CNTNAP2: variants seen among roughly 807,000 people sequenced by gnomAD.
CNTNAP2 encodes contactin-associated protein-like 2.
In CNTNAP2, 98 loss-of-function variants were observed where a neutral mutation model predicts 155.2. The observed-to-expected ratio is 0.63, with a 90% CI of 0.54 to 0.75. The LOEUF (loss-of-function observed/expected upper bound fraction) is 0.75. Among genes scored for constraint, CNTNAP2 ranks in the 30% least tolerant of loss-of-function variants. CNTNAP2 has a pLI of 0.00. For synonymous variants in CNTNAP2, 651 were observed against 631.2 expected, an observed-to-expected ratio of 1.03 and a Z score of -0.47; for missense variants, 1,727 against 1,688.1, an observed-to-expected ratio of 1.02 and a Z score of -0.40.
chr7:148,315,678 T>G (rs1035613062), intron 21 of CNTNAP2, among the ~76,000 whole-genome samples: 1 of 152,156 alleles, frequency 6.6e-6, no homozygotes, highest in Non-Finnish European at 1.5e-5. Context: ...ATCAGAAACA[T>G]TTATGGATTA....
chr7:147,776,270 T>G (rs1387888794), intron 13 of CNTNAP2, among the ~76,000 whole-genome samples: 3 of 151,594 alleles, frequency 2.0e-5, no homozygotes, highest in African/African-American at 7.3e-5. Flanking sequence ...GCTGGGTTTT[T>G]TTTTTTTTTT....
rs556601339 is a variant in CNTNAP2 at position 146,718,295 on chromosome 7, T to A, written c.98-55976T>A. Among the ~76,000 whole-genome samples the A allele has an allele frequency of 5.3e-5, 8 of 152,302 alleles. No homozygotes were observed. The South Asian group carries it at 1.4e-3, about 28-fold the overall frequency. On this transcript the variant is annotated intron_variant, in intron 1 of 23. Coordinates refer to ENST00000361727, the MANE Select transcript of CNTNAP2 (RefSeq NM_014141.6). Reference sequence around the variant, plus strand: ...CCAATGAAATAATTTGAATTTCTACTTTTCTTCTTATAAGCTTAGGCTAAT... The same window carrying A: ...CCAATGAAATAATTTGAATTTCTACATTTCTTCTTATAAGCTTAGGCTAAT...
chr7:147,505,423 C>T (rs990387519), intron 11 of CNTNAP2, among the ~76,000 whole-genome samples: 4 of 151,978 alleles, frequency 2.6e-5, no homozygotes, highest in African/African-American at 7.3e-5. Context: ...TATCCAGCAG[C>T]GACATGCAAA....
At chr7:147,254,116 A>T (rs1428892563) in intron 8 of CNTNAP2, among the ~76,000 whole-genome samples, 1 of 152,090 alleles carries the variant, frequency 6.6e-6, no homozygotes, top group Non-Finnish European at 1.5e-5. Context: ...CTCCACCCCC[A>T]ACTCCACAGG....
At chr7:146,121,949 C>T (rs1797569489) in intron 1 of CNTNAP2, among the ~76,000 whole-genome samples, 1 of 152,148 alleles carries the variant, frequency 6.6e-6, no homozygotes, top group Non-Finnish European at 1.5e-5. Context: ...ACTGGATTTT[C>T]CCATCTCCTG....
At chr7:146,395,568 C>T (rs1190221065) in intron 1 of CNTNAP2, among the ~76,000 whole-genome samples, 1 of 152,012 alleles carries the variant, frequency 6.6e-6, no homozygotes. Context: ...AAAACTATTG[C>T]TATGGGAAAT....
intron 14 of CNTNAP2, among the ~76,000 whole-genome samples, chr7:147,967,655 G>A (rs1484049021): frequency 1.3e-5 from 2 of 152,102 alleles, no homozygotes; most frequent in African/African-American, 4.8e-5. Flanking sequence ...GAAATTTACT[G>A]TTCTAATTGC....
intron 3 of CNTNAP2, among the ~76,000 whole-genome samples, chr7:146,848,816 A>C (rs1794814147): frequency 6.6e-6 from 1 of 152,240 alleles, no homozygotes; most frequent in Non-Finnish European, 1.5e-5. Flanking sequence ...TCTGTTGCCC[A>C]GGCTTGAGTG....
chr7:146,580,338 A>G (rs1455725911), intron 1 of CNTNAP2, among the ~76,000 whole-genome samples: 1 of 152,036 alleles, frequency 6.6e-6, no homozygotes, highest in Admixed American at 6.6e-5. Flanking sequence ...TTTGTTAGTG[A>G]AAGTAGGGCA....
intron 13 of CNTNAP2, among the ~76,000 whole-genome samples, chr7:147,712,136 A>G (rs758993866): frequency 1.3e-4 from 20 of 152,200 alleles, no homozygotes; most frequent in Non-Finnish European, 2.9e-4. Flanking sequence ...TGTCAGACAC[A>G]TGAAAAAAAT....
chr7:146,714,747 CAAAGAT>C (rs982157385), intron 1 of CNTNAP2, among the ~76,000 whole-genome samples: 1 of 151,882 alleles, frequency 6.6e-6, no homozygotes, highest in Non-Finnish European at 1.5e-5. Context: ...TAAGAAAAAA[CAAAGAT>C]AAACAGATAC....
At chr7:147,352,575 G>A (rs1200358125) in intron 9 of CNTNAP2, among the ~76,000 whole-genome samples, 1 of 151,944 alleles carries the variant, frequency 6.6e-6, no homozygotes, top group Non-Finnish European at 1.5e-5. Context: ...ACTATATGCA[G>A]GAGTAAGTAA....
At position 148,298,857 on chromosome 7, in the gene CNTNAP2, C is replaced by A. The variant is rs148690918; in HGVS notation, c.3475+31731C>A. ...GGGACTACAGGCACACACCACTACA[C>A]CTTGCTAATTTTTGTATTTTTTGTA... On this transcript the variant is annotated intron_variant, in intron 21 of 23. Coordinates refer to ENST00000361727, the MANE Select transcript of CNTNAP2 (RefSeq NM_014141.6). Among the ~76,000 whole-genome samples the A allele has an allele frequency of 7.4e-3, 1,130 of 152,176 alleles. 9 individuals carry two copies. Among genetic ancestry groups the A allele is most frequent in the Non-Finnish European group, 9.9e-3 (673 of 67,996 alleles).
At chr7:147,929,092 CA>C (rs66584239) in intron 14 of CNTNAP2, among the ~76,000 whole-genome samples, 1,540 of 34,538 alleles carry the variant, frequency 0.045, 5 homozygotes, top group African/African-American at 0.11. Flanking sequence ...AACTCCATCC[CA>C]AAAAAAAAAA....
At chr7:147,303,320 T>G (rs1444133410) in intron 9 of CNTNAP2, among the ~76,000 whole-genome samples, 1 of 152,240 alleles carries the variant, frequency 6.6e-6, no homozygotes, top group Admixed American at 6.5e-5. Context: ...AGAGGACTTG[T>G]TGATTCAGTG....
At chr7:147,334,811 T>C (rs1349975049) in intron 9 of CNTNAP2, among the ~76,000 whole-genome samples, 2 of 152,112 alleles carry the variant, frequency 1.3e-5, no homozygotes, top group Non-Finnish European at 2.9e-5. Context: ...AAGGGCTAGT[T>C]TTTCTCTCCC....
intron 8 of CNTNAP2, among the ~76,000 whole-genome samples, chr7:147,187,626 C>T (rs1474492361): frequency 6.6e-6 from 1 of 152,116 alleles, no homozygotes; most frequent in Non-Finnish European, 1.5e-5. Flanking sequence ...CGGATTGGGG[C>T]AAGGGCTGAA....
intron 12 of CNTNAP2, among the ~76,000 whole-genome samples, chr7:147,630,316 T>TAAAAAAAAAAAAA (rs71183024): frequency 1.1e-3 from 80 of 73,036 alleles, no homozygotes; most frequent in East Asian, 3.3e-3. Flanking sequence ...GAAACAGTAG[T>TAAAAAAAAAAAAA]AAAAAAAAAA....
chr7:147,874,024 G>T (rs915163783), intron 13 of CNTNAP2, among the ~76,000 whole-genome samples: 1 of 152,156 alleles, frequency 6.6e-6, no homozygotes, highest in Non-Finnish European at 1.5e-5. Flanking sequence ...CCAAAGGTTG[G>T]CTCACACAGC....
Sources: allele counts gnomAD v4.1 joint callset (sites outside exome capture counted in the v4.1 genomes callset), GRCh38; gene constraint gnomAD v4.1.1; transcripts MANE v1.5; gene names NCBI Gene and HGNC (gene_info 2026-07-23, HGNC 2026-07-21).